DENND1B: variants seen among roughly 807,000 people sequenced by gnomAD.
DENND1B encodes the protein DENN domain-containing protein 1B.
DENND1B carries 59 observed loss-of-function variants against 90.1 expected under a neutral mutation model. The observed-to-expected ratio is 0.65, with a 90% confidence interval of 0.53 to 0.81. The LOEUF (loss-of-function observed/expected upper bound fraction) is 0.81. DENND1B is among the 40% of genes least tolerant of loss of function. DENND1B has a pLI of 0.00. For synonymous variants in DENND1B, 337 were observed against 324.6 expected (o/e 1.04, Z -0.41); for missense variants, 862 against 912.6 (o/e 0.94, Z 0.71).
rs75859056 is a variant in DENND1B, at chr1:197,544,476, A to G, written c.1350+1446T>C. ...AAGGGTTGGGTTTTGAAGGGTCTTAATTGTCATATTAAAGAGTTTTTTTAC... is the reference window on the plus strand; with the variant it reads ...AAGGGTTGGGTTTTGAAGGGTCTTAGTTGTCATATTAAAGAGTTTTTTTAC... On this transcript the variant is annotated intron_variant, in intron 18 of 22. Transcript: ENST00000620048. 5.7e-3 allele frequency among the ~76,000 whole-genome samples: 865 copies of G among 152,190 alleles called. 11 individuals are homozygous for G. The highest frequency in any genetic ancestry group is 0.019 in the African/African-American group (808 of 41,536).
At chr1:197,552,498 A>G (rs1028486422) in intron 16 of DENND1B, 1 of 985,382 alleles carries the variant, frequency 1.0e-6, no homozygotes, top group Admixed American at 6.2e-5. Flanking sequence ...GTACTTATGG[A>G]ATGGTAAACT....
intron 3 of DENND1B, among the ~76,000 whole-genome samples, chr1:197,678,845 T>A (rs574093755): frequency 6.6e-6 from 1 of 152,196 alleles, no homozygotes; most frequent in Non-Finnish European, 1.5e-5. Context: ...GCTTCATCCA[T>A]GTCCCTTGGA....
At chr1:197,764,305 G>A (rs1655440664) in intron 2 of DENND1B, among the ~76,000 whole-genome samples, 1 of 152,086 alleles carries the variant, frequency 6.6e-6, no homozygotes. Flanking sequence ...GAAGATGTAG[G>A]CTCTTGGCAC....
Position 197,745,987 on chromosome 1 carries a change from G to C in DENND1B, c.82+26881C>G, listed in dbSNP as rs1291743685. ...TTATAACATTAAGGTCAAGTCATTT[G>C]TAAAGACAGTGTCAATTGAAACTTT... On this transcript the variant is annotated intron_variant, in intron 2 of 22. Transcript: ENST00000620048. Among the ~76,000 whole-genome samples, 2 of 152,156 alleles carry C rather than the reference G, an allele frequency of 1.3e-5. 1 individual carries two copies. Among genetic ancestry groups the C allele is most frequent in the Non-Finnish European group, 2.9e-5 (2 of 68,016 alleles).
chr1:197,735,564 T>C lies in DENND1B; in HGVS notation c.83-20490A>G, dbSNP rs979160153. 1.1e-5 allele frequency: 18 copies of C among 1,613,936 alleles called. No individual in the cohort carries two copies. In the African/African-American group the frequency reaches 1.6e-4, roughly 14 times the overall value. On this transcript the variant is annotated intron_variant, in intron 2 of 22. Transcript: ENST00000620048. ...CATTTACAAAGTGTTCTTAGACTTT[T>C]ATGAATTCTAAAGGGTATTACTCGA...
At chr1:197,758,960 A>ATT (rs759108636) in intron 2 of DENND1B, among the ~76,000 whole-genome samples, 1,755 of 97,798 alleles carry the variant, frequency 0.018, 105 homozygotes, top group African/African-American at 0.059. Flanking sequence ...TACTTCATTA[A>ATT]TTTTTTTTTT....
At chr1:197,664,040 T>C (rs575539422) in intron 5 of DENND1B, among the ~76,000 whole-genome samples, 1 of 150,206 alleles carries the variant, frequency 6.7e-6, no homozygotes, top group Admixed American at 6.7e-5. Flanking sequence ...GAGAGAGAGA[T>C]AAAAAATACT....
At chr1:197,677,631 G>C (rs1320035459) in intron 3 of DENND1B, among the ~76,000 whole-genome samples, 1 of 152,080 alleles carries the variant, frequency 6.6e-6, no homozygotes, top group Non-Finnish European at 1.5e-5. Context: ...AGAATCACTT[G>C]GGAGTGTTTT....
At position 197,642,720 on chromosome 1, in the gene DENND1B, T is replaced by C. The variant is rs1166490151; in HGVS notation, c.663A>G (p.Lys221=). ...AGTGTGAAGTACTTACAGTGCTTAA[T>C]TTGCTCGAGATAATCACGATGCGCC... ...HERRIVIISS[K]LSTLTACIHG... Residue 221 remains lysine, a synonymous_variant, in exon 10 of 23, where the codon AAA becomes AAG. Transcript: ENST00000620048. The C allele has an allele frequency of 1.2e-6, 2 of 1,612,350 alleles. No homozygotes were observed. The highest frequency in any genetic ancestry group is 1.7e-5 in the Admixed American group (1 of 59,784).
At chr1:197,619,462 A>T (rs1677951272) in intron 10 of DENND1B, among the ~76,000 whole-genome samples, 1 of 151,188 alleles carries the variant, frequency 6.6e-6, no homozygotes, top group Non-Finnish European at 1.5e-5. Flanking sequence ...AAGGCAGCTA[A>T]TTATTCAATT....
intron 5 of DENND1B, among the ~76,000 whole-genome samples, chr1:197,663,294 A>G (rs547058765): frequency 5.9e-5 from 9 of 152,274 alleles, no homozygotes; most frequent in Non-Finnish European, 7.4e-5. Context: ...CTTTGTAAAC[A>G]TGTACTGGCT....
At chr1:197,699,731 A>T (rs1408068972) in intron 3 of DENND1B, among the ~76,000 whole-genome samples, 4 of 152,190 alleles carry the variant, frequency 2.6e-5, no homozygotes, top group Non-Finnish European at 5.9e-5. Context: ...ATACAAAATC[A>T]ATGTGCAAAT....
At chr1:197,525,680 TA>T (rs1669089517) in intron 20 of DENND1B, among the ~76,000 whole-genome samples, 1 of 152,070 alleles carries the variant, frequency 6.6e-6, no homozygotes, top group South Asian at 2.1e-4. Context: ...TATTTGTTAG[TA>T]AAATAATTAT....
At chr1:197,598,702 A>G (rs1675928493) in intron 13 of DENND1B, among the ~76,000 whole-genome samples, 1 of 151,838 alleles carries the variant, frequency 6.6e-6, no homozygotes, top group Non-Finnish European at 1.5e-5. Context: ...CTATTATCAC[A>G]TAATCCTATT....
chr1:197,586,519 AGTAACAAGTAG>A (rs1436767071), intron 14 of DENND1B, among the ~76,000 whole-genome samples: 1 of 152,226 alleles, frequency 6.6e-6, no homozygotes, highest in East Asian at 1.9e-4. Flanking sequence ...TGATATCGAC[AGTAACAAGTAG>A]GGGTCAAAGG....
intron 2 of DENND1B, among the ~76,000 whole-genome samples, chr1:197,729,851 C>T (rs978154950): frequency 1.3e-5 from 2 of 152,024 alleles, no homozygotes; most frequent in African/African-American, 4.8e-5. Context: ...ATTAGTAAAG[C>T]ACAAAAATCT....
At chr1:197,577,892 C>A (rs1244383238) in intron 15 of DENND1B, among the ~76,000 whole-genome samples, 1 of 152,124 alleles carries the variant, frequency 6.6e-6, no homozygotes, top group Non-Finnish European at 1.5e-5. Flanking sequence ...TGTTACAATG[C>A]AGAAACTGAG....
At chr1:197,588,410 T>C (rs552923769) in intron 14 of DENND1B, among the ~76,000 whole-genome samples, 1 of 152,178 alleles carries the variant, frequency 6.6e-6, no homozygotes, top group Non-Finnish European at 1.5e-5. Context: ...TTAGATCTTA[T>C]ACTATCAGGA....
At position 197,680,732 on chromosome 1, in the gene DENND1B, A is replaced by T. The variant is rs529900305; in HGVS notation, c.127-6563T>A. ...TATTCACATGTACACAAGCACACAC[A>T]CATTAGGCAGCATATCAAAGTAGCC... On this transcript the variant is annotated intron_variant, in intron 3 of 22. Coordinates refer to ENST00000620048, the MANE Select transcript of DENND1B (RefSeq NM_001195215.2). 2.7e-4 allele frequency among the ~76,000 whole-genome samples: 41 copies of T among 152,324 alleles called. No individual in the cohort carries two copies. In the South Asian group the frequency reaches 8.5e-3, roughly 32 times the overall value.
Sources: allele counts gnomAD v4.1 joint callset (sites outside exome capture counted in the v4.1 genomes callset), GRCh38; gene constraint gnomAD v4.1.1; transcripts MANE v1.5; gene names NCBI Gene and HGNC (gene_info 2026-07-23, HGNC 2026-07-21).